SLC2A14: variants seen among roughly 807,000 people sequenced by gnomAD.
SLC2A14 encodes the protein solute carrier family 2, facilitated glucose transporter member 14.
SLC2A14 carries 13 observed loss-of-function variants against 43.0 expected under a neutral mutation model. That is an observed-to-expected ratio of 0.30 (90% CI 0.20 to 0.48). The LOEUF is 0.48. Ranked by LOEUF, SLC2A14 falls within the 20% of genes least tolerant of loss-of-function variation. The pLI is 0.99. For synonymous variants in SLC2A14, 190 were observed against 233.8 expected (o/e 0.81, Z 1.71); for missense variants, 428 against 620.4 (o/e 0.69, Z 3.29).
At chr12:7,815,075 G>A in intron 10 of SLC2A14, among the ~76,000 whole-genome samples, 1 of 151,790 alleles carries the variant, frequency 6.6e-6, no homozygotes, top group Non-Finnish European at 1.5e-5. Flanking sequence ...TGGGATTACA[G>A]GCGTGAGCCA....
chr12:7,870,442 C>T (rs1945162405), intron 1 of SLC2A14, among the ~76,000 whole-genome samples: 1 of 152,114 alleles, frequency 6.6e-6, no homozygotes, highest in East Asian at 1.9e-4. Flanking sequence ...TTCTGCTTAA[C>T]CAGTTACCAA....
chr12:7,867,968 G>A (rs760566472), intron 2 of SLC2A14, among the ~76,000 whole-genome samples: 113 of 152,108 alleles, frequency 7.4e-4, no homozygotes, highest in African/African-American at 2.6e-3. Flanking sequence ...TAATAAAGCA[G>A]TAACAAAGTG....
At position 7,835,468 on chromosome 12, in the gene SLC2A14, G is replaced by A. The variant is rs781355895; in HGVS notation, c.19-2654C>T. ...AGGAATGAATAGAATAATTGTCTGA[G>A]GTCGCTTAGTTCCAGATGCAGTTAT... is the stretch of plus-strand genomic sequence containing the variant. On this transcript the variant is annotated intron_variant, in intron 2 of 10. Coordinates refer to ENST00000431042, the MANE Select transcript of SLC2A14 (RefSeq NM_001286234.2). Among the ~76,000 whole-genome samples, 155 of 152,276 alleles carry A rather than the reference G, an allele frequency of 1.0e-3. 1 individual carries two copies. Among genetic ancestry groups the A allele is most frequent in the African/African-American group, 3.6e-3 (151 of 41,542 alleles).
chr12:7,885,729 C>T (rs1592336723), intron 1 of SLC2A14, among the ~76,000 whole-genome samples: 1 of 151,818 alleles, frequency 6.6e-6, no homozygotes, highest in East Asian at 1.9e-4. Context: ...ATTTCTGGGC[C>T]CACCTACGAG....
At chr12:7,853,028 G>A (rs11056149) in intron 2 of SLC2A14, among the ~76,000 whole-genome samples, 2,310 of 152,184 alleles carry the variant, frequency 0.015, 23 homozygotes, top group Admixed American at 0.022. Context: ...AAAGCAAAAT[G>A]TTAATATCTG....
At chr12:7,855,184 C>A (rs1208651711) in intron 2 of SLC2A14, among the ~76,000 whole-genome samples, 1 of 152,118 alleles carries the variant, frequency 6.6e-6, no homozygotes, top group Non-Finnish European at 1.5e-5. Context: ...CCAGAGTAAC[C>A]CCTTGATTCC....
intron 2 of SLC2A14, among the ~76,000 whole-genome samples, chr12:7,850,059 C>G (rs913635103): frequency 1.3e-5 from 2 of 148,548 alleles, no homozygotes; most frequent in African/African-American, 2.5e-5. Context: ...CCAAGAATCA[C>G]GAGATTTTAT....
intron 1 of SLC2A14, among the ~76,000 whole-genome samples, chr12:7,881,064 G>A (rs1945561873): frequency 1.3e-5 from 2 of 152,044 alleles, no homozygotes; most frequent in Admixed American, 1.3e-4. Flanking sequence ...GCGTGAACCC[G>A]GGAGGCGGAG....
chr12:7,884,266 T>C (rs566130701), intron 1 of SLC2A14, among the ~76,000 whole-genome samples: 15 of 152,182 alleles, frequency 9.9e-5, no homozygotes, highest in Non-Finnish European at 1.9e-4. Context: ...GTTTGAACTC[T>C]TTCTTTCACA....
intron 7 of SLC2A14, among the ~76,000 whole-genome samples, chr12:7,824,498 C>T (rs11055975): frequency 0.61 from 92,286 of 151,512 alleles, 28,333 homozygotes; most frequent in African/African-American, 0.69. Context: ...CTCTGGGAGG[C>T]ATAGGCGGGC....
At chr12:7,867,822 G>A (rs1331386461) in intron 2 of SLC2A14, among the ~76,000 whole-genome samples, 1 of 148,286 alleles carries the variant, frequency 6.7e-6, no homozygotes, top group Non-Finnish European at 1.5e-5. Context: ...TCCAGACTGG[G>A]TGACAGAGTG....
intron 7 of SLC2A14, among the ~76,000 whole-genome samples, chr12:7,826,901 C>CTT (rs1379521684): frequency 1.6e-5 from 1 of 64,330 alleles, no homozygotes; most frequent in East Asian, 4.0e-4. Context: ...TTCTTTCTTT[C>CTT]TTTCTTTCTT....
intron 1 of SLC2A14, among the ~76,000 whole-genome samples, chr12:7,885,990 C>CT (rs760693676): frequency 0.03 from 4,293 of 143,928 alleles, 102 homozygotes; most frequent in Middle Eastern, 0.059. Flanking sequence ...TTCTTTCCTT[C>CT]TTTTTTTTTT....
intron 2 of SLC2A14, chr12:7,839,941 A>G: frequency 2.5e-6 from 1 of 392,998 alleles, no homozygotes; most frequent in Admixed American, 3.4e-5. Flanking sequence ...AAAAAAAAAA[A>G]AAAAAAAAAA....
intron 1 of SLC2A14, 129 bp from the exon 2 acceptor site, chr12:7,870,066 T>G: frequency 1.9e-6 from 1 of 526,622 alleles, no homozygotes; most frequent in Non-Finnish European, 3.3e-6. Context: ...AGTGAAAATT[T>G]ATATAATTCT....
upstream of SLC2A14, among the ~76,000 whole-genome samples, chr12:7,876,280 CAAAAAAAAAAAAAAA>C (rs59935166): frequency 7.3e-5 from 5 of 68,208 alleles, 1 homozygote; most frequent in Non-Finnish European, 1.3e-4. Flanking sequence ...AACTCCATCT[CAAAAAAAAAAAAAAA>C]AAAAAAAAAG....
chr12:7,859,795 GCAT>G (rs1449336372), intron 2 of SLC2A14, among the ~76,000 whole-genome samples: 2 of 152,152 alleles, frequency 1.3e-5, no homozygotes, highest in Non-Finnish European at 2.9e-5. Context: ...GCAAAGAGCA[GCAT>G]CATAAGAGTT....
intron 1 of SLC2A14, chr12:7,872,169 A>G (rs1469816044): frequency 6.6e-6 from 1 of 152,268 alleles, no homozygotes; most frequent in Non-Finnish European, 1.5e-5. Context: ...CACTGAATGA[A>G]TCCAGCACTG....
At chr12:7,876,280 C>CAAAAAAAAAAAAAAAAAAAAAA (rs59935166), upstream of SLC2A14, among the ~76,000 whole-genome samples, 1 of 68,208 alleles carries the variant, frequency 1.5e-5, no homozygotes, top group Non-Finnish European at 2.7e-5. Context: ...AACTCCATCT[C>CAAAAAAAAAAAAAAAAAAAAAA]AAAAAAAAAA....
Sources: gnomAD v4.1 joint callset for allele counts (sites outside exome capture counted in the v4.1 genomes callset) on GRCh38, gnomAD v4.1.1 for gene constraint, MANE v1.5 for transcripts, NCBI Gene and HGNC (gene_info 2026-07-23, HGNC 2026-07-21) for gene names.